PTPRD: variants seen among roughly 807,000 people sequenced by gnomAD.
PTPRD encodes protein tyrosine phosphatase receptor type D, also known as receptor-type tyrosine-protein phosphatase delta.
Under a neutral mutation model 214.5 loss-of-function variants are expected in PTPRD, and 34 were observed. The ratio of observed to expected loss-of-function variants is 0.16; its 90% confidence interval spans 0.12 to 0.21. PTPRD has a LOEUF of 0.21. PTPRD is among the 10% of genes least tolerant of loss of function. The pLI is 1.00. For missense variants in PTPRD, 2,545 were observed against 2,398.7 expected (o/e 1.06, Z -1.27); for synonymous variants, 1,128 against 845.7 (o/e 1.33, Z -5.79).
At chr9:8,500,360 A>G (rs1428150719) in intron 24 of PTPRD, among the ~76,000 whole-genome samples, 1 of 151,824 alleles carries the variant, frequency 6.6e-6, no homozygotes, top group Non-Finnish European at 1.5e-5. Context: ...TGAAATATGT[A>G]AGACAAAAAG....
chr9:8,610,107 G>A (rs949646604), intron 14 of PTPRD, among the ~76,000 whole-genome samples: 3 of 152,038 alleles, frequency 2.0e-5, no homozygotes, highest in African/African-American at 2.4e-5. Flanking sequence ...CACATTTTAA[G>A]TATTTTGGCA....
chr9:10,050,896 C>A lies in PTPRD; in HGVS notation c.-544-17106G>T, dbSNP rs568047425. On this transcript the variant is annotated intron_variant, in intron 3 of 45. Coordinates refer to ENST00000381196, the MANE Select transcript of PTPRD (RefSeq NM_002839.4). ...TATCTATTAGAAAATTACATAAAAT[C>A]AAATGTTGATTCACTTTCCTGTTTA... Among the ~76,000 whole-genome samples, 24 of 152,108 alleles carry A rather than the reference C, an allele frequency of 1.6e-4. No homozygotes were observed. In the South Asian group the frequency reaches 4.8e-3, roughly 30 times the overall value.
intron 10 of PTPRD, among the ~76,000 whole-genome samples, chr9:9,033,194 A>G (rs935456751): frequency 1.3e-5 from 2 of 152,138 alleles, no homozygotes; most frequent in African/African-American, 2.4e-5. Flanking sequence ...GGCAGTAATC[A>G]TATCAGTGTT....
intron 11 of PTPRD, among the ~76,000 whole-genome samples, chr9:8,866,037 T>C (rs2098190223): frequency 1.3e-5 from 2 of 152,190 alleles, no homozygotes; most frequent in Admixed American, 6.6e-5. Context: ...TTTAACTTGG[T>C]ATATTCTTAG....
intron 5 of PTPRD, among the ~76,000 whole-genome samples, chr9:9,772,459 T>C (rs1479534997): frequency 6.6e-6 from 1 of 152,188 alleles, no homozygotes; most frequent in Non-Finnish European, 1.5e-5. Flanking sequence ...CTTAGTGTTC[T>C]TGCATTTTAC....
chr9:8,318,623 C>T (rs535390973), intron 45 of PTPRD, among the ~76,000 whole-genome samples: 3 of 152,048 alleles, frequency 2.0e-5, no homozygotes, highest in African/African-American at 7.2e-5. Flanking sequence ...GCTTTCCATC[C>T]CTGAAAATGG....
rs193230445 is a variant in PTPRD at position 9,298,718 on chromosome 9, C to G, written c.-203+98731G>C. On this transcript the variant is annotated intron_variant, in intron 9 of 45. Transcript: ENST00000381196. ...AGAAGAAAATTCCCTTAGCAATGGG[C>G]TGTTTATATTTAATTCCTCCTCTTC... is the stretch of plus-strand genomic sequence containing the variant. Among the ~76,000 whole-genome samples, 737 of 151,776 alleles carry G rather than the reference C, an allele frequency of 4.9e-3. 9 individuals carry two copies. The highest frequency in any genetic ancestry group is 0.017 in the African/African-American group (689 of 41,484).
intron 5 of PTPRD, among the ~76,000 whole-genome samples, chr9:9,794,408 T>G (rs1297915732): frequency 6.6e-6 from 1 of 151,948 alleles, no homozygotes. Flanking sequence ...GTGAAAGGTA[T>G]GGAGACTTAA....
At chr9:8,726,026 GACACACAC>G (rs71500962) in intron 12 of PTPRD, among the ~76,000 whole-genome samples, 2,213 of 139,566 alleles carry the variant, frequency 0.016, 51 homozygotes, top group African/African-American at 0.058. Flanking sequence ...CAGACAGACA[GACACACAC>G]ACACACACAC....
chr9:9,127,190 T>C (rs2099835340), intron 10 of PTPRD, among the ~76,000 whole-genome samples: 1 of 152,136 alleles, frequency 6.6e-6, no homozygotes, highest in South Asian at 2.1e-4. Context: ...TTGGGATGTA[T>C]GGGAAAACGA....
intron 9 of PTPRD, among the ~76,000 whole-genome samples, chr9:9,242,853 C>A (rs1025245390): frequency 6.6e-6 from 1 of 152,174 alleles, no homozygotes; most frequent in Non-Finnish European, 1.5e-5. Flanking sequence ...CAAAGTCATT[C>A]TCTGTCCAGC....
At chr9:10,213,004 C>A (rs1025976722) in intron 3 of PTPRD, among the ~76,000 whole-genome samples, 1 of 152,150 alleles carries the variant, frequency 6.6e-6, no homozygotes, top group African/African-American at 2.4e-5. Flanking sequence ...AATAGTTACC[C>A]TTGTATCATT....
At chr9:9,789,068 G>A (rs2098947965) in intron 5 of PTPRD, among the ~76,000 whole-genome samples, 1 of 152,128 alleles carries the variant, frequency 6.6e-6, no homozygotes. Context: ...TTTCTGGCTG[G>A]CTACATGGAC....
chr9:9,105,624 T>C (rs1029504611), intron 10 of PTPRD, among the ~76,000 whole-genome samples: 1 of 152,158 alleles, frequency 6.6e-6, no homozygotes, highest in Non-Finnish European at 1.5e-5. Context: ...GAGTACTTCA[T>C]CAACTAAGAT....
intron 2 of PTPRD, among the ~76,000 whole-genome samples, chr9:10,348,155 C>A (rs898307729): frequency 6.6e-6 from 1 of 152,072 alleles, no homozygotes; most frequent in Non-Finnish European, 1.5e-5. Flanking sequence ...ATATTTGTAC[C>A]CATTAATCAA....
intron 11 of PTPRD, among the ~76,000 whole-genome samples, chr9:8,841,500 G>C (rs1181461712): frequency 6.6e-6 from 1 of 152,042 alleles, no homozygotes; most frequent in Non-Finnish European, 1.5e-5. Context: ...GCAAACATGA[G>C]ATTATTATGT....
At chr9:9,616,424 A>T (rs2094866015) in intron 7 of PTPRD, among the ~76,000 whole-genome samples, 1 of 152,178 alleles carries the variant, frequency 6.6e-6, no homozygotes, top group South Asian at 2.1e-4. Flanking sequence ...TCAAAATAAG[A>T]CAATGCATCT....
intron 7 of PTPRD, among the ~76,000 whole-genome samples, chr9:9,709,098 T>C (rs770639676): frequency 2.0e-5 from 3 of 151,980 alleles, no homozygotes; most frequent in African/African-American, 4.8e-5. Context: ...TCTGAATAAA[T>C]TGGCATATAA....
intron 10 of PTPRD, among the ~76,000 whole-genome samples, chr9:9,079,295 G>C (rs1338198888): frequency 6.6e-6 from 1 of 151,924 alleles, no homozygotes; most frequent in Non-Finnish European, 1.5e-5. Flanking sequence ...ATATGGGTGA[G>C]AGCACACAGC....
Sources: gnomAD v4.1 joint callset for allele counts (sites outside exome capture counted in the v4.1 genomes callset) on GRCh38, gnomAD v4.1.1 for gene constraint, MANE v1.5 for transcripts, NCBI Gene and HGNC (gene_info 2026-07-23, HGNC 2026-07-21) for gene names.